PNPLA8: variants seen among roughly 807,000 people sequenced by gnomAD.
PNPLA8 encodes the protein calcium-independent phospholipase A2-gamma.
A neutral mutation model predicts 76.9 loss-of-function variants in PNPLA8; 39 were observed. That is an observed-to-expected ratio of 0.51 (90% CI 0.39 to 0.66). The LOEUF (loss-of-function observed/expected upper bound fraction) is 0.66, where lower values mean the gene tolerates loss of function less well. PNPLA8 is among the 30% of genes least tolerant of loss of function. The pLI, the probability that PNPLA8 is intolerant of heterozygous loss-of-function variation, is 0.00. For missense variants in PNPLA8, 887 were observed against 918.0 expected, an observed-to-expected ratio of 0.97 and a Z score of 0.44; for synonymous variants, 301 against 307.9, an observed-to-expected ratio of 0.98 and a Z score of 0.24.
rs1297535903 is a variant in PNPLA8, at chr7:108,496,684, A to G, written c.1525T>C (p.Leu509=). The part of the protein sequence containing the change: ...LDECEELYRK[L]GSDVFSQNVI... ...TTTTGTGAAAATACATCTGATCCTA[A>G]TTTTCGATAAAGTTCCTCACATTCA... is the stretch of plus-strand genomic sequence containing the variant. Residue 509 remains leucine, a synonymous_variant, in exon 7 of 11, where the codon TTA becomes CTA. Transcript: ENST00000257694. 2 of 1,612,004 alleles carry G rather than the reference A, an allele frequency of 1.2e-6. No homozygotes were observed. The highest frequency in any genetic ancestry group is 1.7e-5 in the Admixed American group (1 of 59,674).
rs550562941 is a variant in PNPLA8 at position 108,491,238 on chromosome 7, C to T, written c.1683+172G>A. ...AGGAGAATCACTTGAACCTGGGAGA[C>T]GGAGGTTATGGTGAGCCGAGATCGT... is the stretch of plus-strand genomic sequence containing the variant. On this transcript the variant is annotated intron_variant, in intron 8 of 10. Transcript: ENST00000257694. Among the ~76,000 whole-genome samples, 24 of 152,208 alleles carry T rather than the reference C, an allele frequency of 1.6e-4. No homozygotes were observed. The South Asian group carries it at 3.1e-3, about 20-fold the overall frequency.
intron 9 of PNPLA8, among the ~76,000 whole-genome samples, chr7:108,487,244 T>A (rs150777704): frequency 1.9e-3 from 293 of 152,306 alleles, no homozygotes; most frequent in Admixed American, 4.9e-3. Context: ...AAGGTGCGAA[T>A]TCCTTGTTTG....
At chr7:108,501,169 G>A (rs1230634908) in intron 5 of PNPLA8, among the ~76,000 whole-genome samples, 1 of 152,144 alleles carries the variant, frequency 6.6e-6, no homozygotes, top group Non-Finnish European at 1.5e-5. Flanking sequence ...AAGAACAATA[G>A]GCAGGGCATG....
Position 108,472,282 on chromosome 7 carries a change from G to A in PNPLA8, c.*119C>T. ...CTGGTTGAAGCACCGTCTTTTTCAG[G>A]ATTCTCCAGAATTCATACGTATTTC... On this transcript the variant is annotated 3_prime_UTR_variant, in exon 11 of 11. Coordinates refer to ENST00000257694, the MANE Select transcript of PNPLA8 (RefSeq NM_001256007.3). 1.4e-6 allele frequency: 1 copy of A among 692,170 alleles called. No homozygotes were observed. Among genetic ancestry groups the A allele is most frequent in the African/African-American group, 1.8e-5 (1 of 55,086 alleles). 42.9% of individuals were successfully genotyped at this position (692,170 alleles called of 1,614,324 possible). A position where few individuals can be genotyped will look rare whatever the true frequency, so the allele number is the denominator to read the frequency against.
At position 108,470,589 on chromosome 7, in the gene PNPLA8, A is replaced by G. The variant is rs942659302; in HGVS notation, c.*1812T>C. On this transcript the variant is annotated 3_prime_UTR_variant, in exon 11 of 11. Transcript: ENST00000257694. Reference sequence around the variant, plus strand: ...CATAAATATTACTTTATTGTGCTTGAAATTTGCTTTATTACGAAGAATTCC... The same window carrying G: ...CATAAATATTACTTTATTGTGCTTGGAATTTGCTTTATTACGAAGAATTCC... 6.6e-6 allele frequency: 1 copy of G among 152,122 alleles called. No individual in the cohort carries two copies. The highest frequency in any genetic ancestry group is 1.5e-5 in the Non-Finnish European group (1 of 68,014). The allele number at this position is 152,122 out of a possible 1,614,324, so 9.4% of individuals were successfully genotyped here.
At chr7:108,490,971 AATAT>A (rs1563947518) in intron 8 of PNPLA8, among the ~76,000 whole-genome samples, 1 of 152,194 alleles carries the variant, frequency 6.6e-6, no homozygotes. Context: ...AGAATGACTC[AATAT>A]ATAAAGAATT....
In PNPLA8 at chr7:108,497,416, T is replaced by C. The variant is rs900234446; in HGVS notation, c.1453+67A>G. 28 of 1,081,670 alleles carry C rather than the reference T, an allele frequency of 2.6e-5. No homozygotes were observed. The African/African-American group carries it at 3.5e-4, about 13-fold the overall frequency. 67.0% of individuals were successfully genotyped at this position (1,081,670 alleles called of 1,614,324 possible). A position where few individuals can be genotyped will look rare whatever the true frequency, so the allele number is the denominator to read the frequency against. On this transcript the variant is annotated intron_variant, in intron 6 of 10. Coordinates refer to ENST00000257694, the MANE Select transcript of PNPLA8 (RefSeq NM_001256007.3). ...AGGCAAAGGACTATGATCTTAAACATAAGTGCTTAATGTTCTTTTCCTTAA... is the reference window on the plus strand; with the variant it reads ...AGGCAAAGGACTATGATCTTAAACACAAGTGCTTAATGTTCTTTTCCTTAA...
At chr7:108,497,660 T>G in intron 5 of PNPLA8, 83 bp from the exon 6 acceptor site, 1 of 679,236 alleles carries the variant, frequency 1.5e-6, no homozygotes, top group Non-Finnish European at 2.3e-6. Flanking sequence ...AATCTAATAA[T>G]TGCTTTTAGA....
In PNPLA8 at chr7:108,504,879, C is replaced by T. The variant is rs557647891; in HGVS notation, c.1207-2237G>A. Among the ~76,000 whole-genome samples the T allele has an allele frequency of 4.6e-5, 7 of 152,120 alleles. No individual in the cohort carries two copies. The South Asian group carries it at 1.0e-3, about 23-fold the overall frequency. The stretch of plus-strand genomic sequence containing the variant: ...ATCACCTGAGGTTGGGAGTTCGAGA[C>T]CAGCCTGACCAACATGGGGAAACCC... On this transcript the variant is annotated intron_variant, in intron 4 of 10. Coordinates refer to ENST00000257694, the MANE Select transcript of PNPLA8 (RefSeq NM_001256007.3).
At chr7:108,507,341 C>CAAAAAAAAAAAA (rs66685490) in intron 4 of PNPLA8, among the ~76,000 whole-genome samples, 1 of 45,382 alleles carries the variant, frequency 2.2e-5, no homozygotes, top group African/African-American at 9.9e-5. Flanking sequence ...GACTCTGTCT[C>CAAAAAAAAAAAA]AAAAAAAAAA....
At position 108,479,202 on chromosome 7, in the gene PNPLA8, T is replaced by C. The variant is rs755933922; in HGVS notation, c.2056A>G (p.Ser686Gly). The C allele has an allele frequency of 6.2e-7, 1 of 1,611,122 alleles. No homozygotes were observed. The highest frequency in any genetic ancestry group is 2.2e-5 in the East Asian group (1 of 44,866). The change falls in exon 10 of 11, where the codon AGT (serine) becomes GGT (glycine). Residue 686 changes from serine (S) to glycine (G), a missense_variant. By Grantham distance (56) the Ser-to-Gly change is moderately conservative. Coordinates refer to ENST00000257694, the MANE Select transcript of PNPLA8 (RefSeq NM_001256007.3). ...LKTKLSNVIN[S>G]ATDTEEVHIM... ...GACTAACCTTCTGTATCTGTAGCACTGTTGATAACATTAGAAAGTTTAGTT... is the reference window on the plus strand; with the variant it reads ...GACTAACCTTCTGTATCTGTAGCACCGTTGATAACATTAGAAAGTTTAGTT...
At chr7:108,475,626 C>G (rs1445846432) in intron 10 of PNPLA8, among the ~76,000 whole-genome samples, 1 of 152,114 alleles carries the variant, frequency 6.6e-6, no homozygotes, top group Non-Finnish European at 1.5e-5. Flanking sequence ...CTGTTCAGAT[C>G]TTGCATGTAG....
At chr7:108,510,033 G>C (rs1379597074) in intron 4 of PNPLA8, among the ~76,000 whole-genome samples, 43 of 119,510 alleles carry the variant, frequency 3.6e-4, no homozygotes, top group African/African-American at 1.0e-3. Context: ...GTGGTGGGGT[G>C]GGGGGAGGGG....
Position 108,496,660 on chromosome 7 carries a change from T to A in PNPLA8, c.1549A>T (p.Asn517Tyr). ...ATTTTTACTGTTCCAACAATGACAT[T>A]TTGTGAAAATACATCTGATCCTAAT... The part of the protein sequence containing the change: ...RKLGSDVFSQ[N>Y]VIVGTVKMSW... The change falls in exon 7 of 11, where the codon AAT (asparagine) becomes TAT (tyrosine). Residue 517 changes from asparagine (N) to tyrosine (Y), a missense_variant. Transcript: ENST00000257694. The A allele has an allele frequency of 6.2e-7, 1 of 1,612,732 alleles. No individual in the cohort carries two copies. Among genetic ancestry groups the A allele is most frequent in the Non-Finnish European group, 8.5e-7 (1 of 1,179,162 alleles).
chr7:108,480,696 T>C (rs958399510), intron 9 of PNPLA8: 6 of 413,556 alleles, frequency 1.5e-5, no homozygotes, highest in African/African-American at 4.1e-5. Context: ...AGTAATATGG[T>C]GCATACAACC....
intron 4 of PNPLA8, among the ~76,000 whole-genome samples, chr7:108,504,135 G>A (rs1316314510): frequency 6.6e-6 from 1 of 152,108 alleles, no homozygotes; most frequent in Non-Finnish European, 1.5e-5. Flanking sequence ...GACCCTAACT[G>A]AATTAAGGCT....
intron 7 of PNPLA8, among the ~76,000 whole-genome samples, chr7:108,492,777 A>G (rs1861276683): frequency 6.6e-6 from 1 of 152,256 alleles, no homozygotes; most frequent in South Asian, 2.1e-4. Context: ...GTAGATATAG[A>G]AGAATATTAA....
At chr7:108,500,926 A>T (rs200527342) in intron 5 of PNPLA8, among the ~76,000 whole-genome samples, 1 of 151,902 alleles carries the variant, frequency 6.6e-6, no homozygotes, top group Admixed American at 6.6e-5. Context: ...AAAAAAAAAA[A>T]GTTACTGGTA....
chr7:108,503,794 TCAGA>T (rs1213781896), intron 4 of PNPLA8, among the ~76,000 whole-genome samples: 1 of 152,100 alleles, frequency 6.6e-6, no homozygotes, highest in Non-Finnish European at 1.5e-5. Context: ...TGAGTCTGAC[TCAGA>T]CAGAGGGCCC....
Sources: gnomAD v4.1 joint callset for allele counts (sites outside exome capture counted in the v4.1 genomes callset) on GRCh38, gnomAD v4.1.1 for gene constraint, MANE v1.5 for transcripts, NCBI Gene and HGNC (gene_info 2026-07-23, HGNC 2026-07-21) for gene names.